CCDC170: variants seen among roughly 807,000 people sequenced by gnomAD.
CCDC170 encodes coiled-coil domain-containing protein 170.
A neutral mutation model predicts 72.6 loss-of-function variants in CCDC170; 69 were observed. The ratio of observed to expected loss-of-function variants is 0.95; its 90% CI spans 0.78 to 1.16. The LOEUF is 1.16. CCDC170 is among the 50% of genes most tolerant of loss of function. CCDC170 has a pLI of 0.00. For missense variants in CCDC170, 852 were observed against 832.5 expected, an observed-to-expected ratio of 1.02 and a Z score of -0.29; for synonymous variants, 300 against 303.9, an observed-to-expected ratio of 0.99 and a Z score of 0.13.
At chr6:151,573,033 T>G in intron 5 of CCDC170, 141 bp from the exon 6 acceptor site, 1 of 698,722 alleles carries the variant, frequency 1.4e-6, no homozygotes, top group Non-Finnish European at 2.4e-6. Flanking sequence ...TATAGGGAAC[T>G]TGGAGTTAAA....
At chr6:151,557,408 CAAAA>C (rs201961628) in intron 5 of CCDC170, among the ~76,000 whole-genome samples, 2 of 132,196 alleles carry the variant, frequency 1.5e-5, no homozygotes. Flanking sequence ...GATTCTGTCT[CAAAA>C]AAAAAAAAAA....
intron 5 of CCDC170, among the ~76,000 whole-genome samples, chr6:151,555,465 A>G (rs1317188828): frequency 1.3e-5 from 2 of 152,210 alleles, no homozygotes; most frequent in Non-Finnish European, 2.9e-5. Context: ...CTAGAATCAT[A>G]AAGTTGGAAG....
chr6:151,514,852 C>A (rs1782212122), intron 1 of CCDC170, among the ~76,000 whole-genome samples: 1 of 152,120 alleles, frequency 6.6e-6, no homozygotes, highest in African/African-American at 2.4e-5. Context: ...TTGGATGAAG[C>A]CTTGGCAGAA....
At chr6:151,557,204 C>T (rs1322491418) in intron 5 of CCDC170, among the ~76,000 whole-genome samples, 2 of 151,880 alleles carry the variant, frequency 1.3e-5, no homozygotes, top group Admixed American at 1.3e-4. Flanking sequence ...GTAAGGAGAC[C>T]GAGACCATCC....
intron 1 of CCDC170, among the ~76,000 whole-genome samples, chr6:151,521,335 G>A (rs1008952077): frequency 2.6e-5 from 4 of 152,150 alleles, no homozygotes; most frequent in African/African-American, 7.2e-5. Context: ...AATGAGAGTT[G>A]CTAAGCACTA....
intron 5 of CCDC170, among the ~76,000 whole-genome samples, chr6:151,559,159 A>G (rs953118419): frequency 1.3e-5 from 2 of 151,852 alleles, no homozygotes; most frequent in Non-Finnish European, 2.9e-5. Flanking sequence ...CAACAGGCAC[A>G]TGCCACCATG....
intron 5 of CCDC170, among the ~76,000 whole-genome samples, chr6:151,552,779 CTTTTTTTTTTTTT>C (rs71014597): frequency 1.9e-4 from 11 of 56,766 alleles, no homozygotes; most frequent in African/African-American, 6.7e-4. Flanking sequence ...TCAGCCAATT[CTTTTTTTTTTTTT>C]TTTTTTTTTT....
chr6:151,550,085 C>T (rs1386281190), intron 5 of CCDC170, among the ~76,000 whole-genome samples: 3 of 152,184 alleles, frequency 2.0e-5, no homozygotes, highest in Non-Finnish European at 4.4e-5. Flanking sequence ...GGTCTGCAAC[C>T]TATTTGAGCT....
At chr6:151,603,055 C>A (rs1445881458) in intron 9 of CCDC170, among the ~76,000 whole-genome samples, 1 of 152,146 alleles carries the variant, frequency 6.6e-6, no homozygotes, top group Admixed American at 6.5e-5. Context: ...CCCTCCTCGG[C>A]CTCCTAAAGT....
At chr6:151,588,805 G>A (rs1776491789) in intron 7 of CCDC170, among the ~76,000 whole-genome samples, 2 of 152,022 alleles carry the variant, frequency 1.3e-5, no homozygotes, top group Admixed American at 6.6e-5. Flanking sequence ...GCTGGGCATG[G>A]TGGCACACAC....
intron 2 of CCDC170, 33 bp from the exon 3 acceptor site, chr6:151,538,012 T>C (rs1256714641): frequency 5.7e-6 from 2 of 350,110 alleles, no homozygotes; most frequent in East Asian, 9.9e-5. Flanking sequence ...GTTGTTAAGG[T>C]TTTTTTTTTT....
chr6:151,572,530 T>A (rs1220397476), intron 5 of CCDC170, among the ~76,000 whole-genome samples: 2 of 152,130 alleles, frequency 1.3e-5, no homozygotes, highest in African/African-American at 4.8e-5. Context: ...TCTACTAATA[T>A]GTTATCCAAT....
intron 5 of CCDC170, among the ~76,000 whole-genome samples, chr6:151,557,504 T>G (rs1459118023): frequency 6.6e-6 from 1 of 152,190 alleles, no homozygotes; most frequent in East Asian, 1.9e-4. Flanking sequence ...AACATGAGTG[T>G]GCAGGAATCT....
Position 151,538,111 on chromosome 6 carries a change from G to C in CCDC170, c.253G>C (p.Glu85Gln). ...CTGTCAAGAACTGAAAGCTGAAATG[G>C]AGAGCTACAAGGAAAACAATGCCAG... is the stretch of plus-strand genomic sequence containing the variant. ...VSCQELKAEM[E>Q]SYKENNARKS... The change falls in exon 3 of 11, where the codon GAG (glutamate) becomes CAG (glutamine). Residue 85 changes from glutamate to glutamine, a missense_variant. Physicochemically the swap from Glu to Gln is conservative, Grantham distance 29. Transcript: ENST00000239374. The C allele has an allele frequency of 6.2e-7, 1 of 1,613,686 alleles. No homozygotes were observed. The highest frequency in any genetic ancestry group is 8.5e-7 in the Non-Finnish European group (1 of 1,179,886).
intron 1 of CCDC170, among the ~76,000 whole-genome samples, chr6:151,531,093 C>T (rs191212896): frequency 3.6e-4 from 55 of 152,208 alleles, no homozygotes; most frequent in Admixed American, 1.6e-3. Flanking sequence ...CTTAGAAAGT[C>T]GGCTATGGCT....
intron 9 of CCDC170, among the ~76,000 whole-genome samples, chr6:151,600,226 C>T (rs531225659): frequency 3.3e-4 from 50 of 152,226 alleles, no homozygotes; most frequent in African/African-American, 1.1e-3. Context: ...GACAGATTAC[C>T]GGTATCAGCT....
chr6:151,587,847 C>T (rs532643107), intron 7 of CCDC170, among the ~76,000 whole-genome samples: 1 of 152,080 alleles, frequency 6.6e-6, no homozygotes. Flanking sequence ...GGAGCAATGA[C>T]TTTTTTTCTG....
chr6:151,517,953 CT>C (rs1302298305), intron 1 of CCDC170, among the ~76,000 whole-genome samples: 2 of 150,614 alleles, frequency 1.3e-5, no homozygotes, highest in African/African-American at 4.9e-5. Flanking sequence ...TGTTTTCACA[CT>C]GGATAAGAAA....
intron 7 of CCDC170, among the ~76,000 whole-genome samples, chr6:151,592,517 C>A (rs1419435275): frequency 6.6e-6 from 1 of 152,110 alleles, no homozygotes; most frequent in African/African-American, 2.4e-5. Flanking sequence ...TGGTGGCAGG[C>A]AAAGAGAGAG....
Sources: gnomAD v4.1 joint callset for allele counts (sites outside exome capture counted in the v4.1 genomes callset) on GRCh38, gnomAD v4.1.1 for gene constraint, MANE v1.5 for transcripts, NCBI Gene and HGNC (gene_info 2026-07-23, HGNC 2026-07-21) for gene names.